SPTBN2: variants seen among roughly 807,000 people sequenced by gnomAD.
SPTBN2 encodes the protein spectrin beta chain, non-erythrocytic 2.
A neutral mutation model predicts 284.2 loss-of-function variants in SPTBN2; 107 were observed. That is an observed-to-expected ratio of 0.38 (90% CI 0.32 to 0.44). The LOEUF (loss-of-function observed/expected upper bound fraction) is 0.44, where lower values mean the gene tolerates loss of function less well. Among genes scored for constraint, SPTBN2 ranks in the 20% least tolerant of loss-of-function variants. The probability of loss-of-function intolerance (pLI) is 1.00; values close to 1 mark genes in which losing one functional copy is unlikely to be tolerated. For synonymous variants in SPTBN2, 1,289 were observed against 1,354.8 expected (o/e 0.95, Z 1.07); for missense variants, 2,569 against 3,287.1 (o/e 0.78, Z 5.34).
intron 7 of SPTBN2, 67 bp from the exon 8 acceptor site, chr11:66,713,813 A>G: frequency 7.5e-7 from 1 of 1,330,416 alleles, no homozygotes; most frequent in Non-Finnish European, 1.1e-6. Context: ...GAGGAAACCC[A>G]CACCAATCTT....
intron 29 of SPTBN2, among the ~76,000 whole-genome samples, chr11:66,689,523 C>T (rs570439776): frequency 2.6e-5 from 4 of 151,770 alleles, no homozygotes; most frequent in African/African-American, 7.2e-5. Context: ...AGGCTGGTCT[C>T]GAACTCGTGA....
chr11:66,692,522 C>T lies in SPTBN2; in HGVS notation c.5190+14G>A, dbSNP rs928112661. 7 of 1,600,246 alleles carry T rather than the reference C, an allele frequency of 4.4e-6. No homozygotes were observed. The highest frequency in any genetic ancestry group is 1.7e-5 in the Admixed American group (1 of 60,002). On this transcript the variant is annotated intron_variant, in intron 26 of 37. Transcript: ENST00000533211. The stretch of plus-strand genomic sequence containing the variant: ...CCACGGTTGATCTGAGCTGGGTGCC[C>T]TCCCTACACTCACAGTCACATGCTC...
At chr11:66,716,345 T>C (rs1003616596) in intron 3 of SPTBN2, among the ~76,000 whole-genome samples, 4 of 151,588 alleles carry the variant, frequency 2.6e-5, no homozygotes, top group Non-Finnish European at 5.9e-5. Flanking sequence ...TAGCCGGGCA[T>C]AGTGGCGGGC....
Position 66,684,347 on chromosome 11 carries a change from T to C in SPTBN2, c.*1524A>G, listed in dbSNP as rs1166299834. Among the ~76,000 whole-genome samples, 1 of 152,070 alleles carries C rather than the reference T, an allele frequency of 6.6e-6. No individual in the cohort carries two copies. Among genetic ancestry groups the C allele is most frequent in the African/African-American group, 2.4e-5 (1 of 41,396 alleles). ...CTAATACTTCATCAGATCCAGAAGG[T>C]AGTCTCAGCTGGGCATGGTGGCTCA... On this transcript the variant is annotated 3_prime_UTR_variant, in exon 38 of 38. Coordinates refer to ENST00000533211, the MANE Select transcript of SPTBN2 (RefSeq NM_006946.4).
At position 66,715,113 on chromosome 11, in the gene SPTBN2, G is replaced by T; in HGVS notation, c.483+109C>A. Reference sequence around the variant, plus strand: ...GCCGCCATGGCAGCTGCTACATAAGGTTCTAGATCCTCCATCTTTGTGTTT... The same window carrying T: ...GCCGCCATGGCAGCTGCTACATAAGTTTCTAGATCCTCCATCTTTGTGTTT... On this transcript the variant is annotated intron_variant, in intron 5 of 37. Transcript: ENST00000533211. The surrounding 1 kb of genome is among the most constrained non-coding windows in gnomAD (Gnocchi z 5.3). 7.0e-7 allele frequency: 1 copy of T among 1,425,144 alleles called. No homozygotes were observed. The highest frequency in any genetic ancestry group is 9.8e-7 in the Non-Finnish European group (1 of 1,020,558). 88.3% of individuals were successfully genotyped at this position (1,425,144 alleles called of 1,614,324 possible).
At position 66,690,232 on chromosome 11, in the gene SPTBN2, C is replaced by G; in HGVS notation, c.5617G>C (p.Asp1873His). Residue 1873 changes from aspartate (D) to histidine (H), a missense_variant, in exon 28 of 38, where the codon GAC becomes CAC. Asp to His is a moderately conservative substitution (Grantham distance 81, BLOSUM62 -1). Coordinates refer to ENST00000533211, the MANE Select transcript of SPTBN2 (RefSeq NM_006946.4). ...TGGCGGCCGATCTCCTCAGCCTTGT[C>G]TCCAGCGTAGGCCTTCTGGAGCCGG... ...GHRLQKAYAGDKAEEIGRHMQ... is the reference protein window; with the variant it reads ...GHRLQKAYAGHKAEEIGRHMQ... The G allele has an allele frequency of 1.2e-6, 2 of 1,613,404 alleles. No homozygotes were observed. Among genetic ancestry groups the G allele is most frequent in the Non-Finnish European group, 1.7e-6 (2 of 1,179,740 alleles).
In SPTBN2 at chr11:66,686,939, C is replaced by T. The variant is rs1221725033; in HGVS notation, c.6896+55G>A. The T allele has an allele frequency of 1.3e-5, 21 of 1,609,726 alleles. No individual in the cohort carries two copies. The East Asian group carries it at 4.7e-4, about 36-fold the overall frequency. ...CCCTCTGGACCTGACTCATGGCTCACCTGTGTCACTCCCAACTCTCCTCCC... is the reference window on the plus strand; with the variant it reads ...CCCTCTGGACCTGACTCATGGCTCATCTGTGTCACTCCCAACTCTCCTCCC... On this transcript the variant is annotated intron_variant, in intron 36 of 37. Coordinates refer to ENST00000533211, the MANE Select transcript of SPTBN2 (RefSeq NM_006946.4).
chr11:66,714,480 A>C (rs940656456), intron 5 of SPTBN2, 73 bp from the exon 6 acceptor site: 2 of 1,323,360 alleles, frequency 1.5e-6, no homozygotes, highest in Non-Finnish European at 2.2e-6. Context: ...GCTCAGATAA[A>C]TGGCAGGAAA....
intron 3 of SPTBN2, among the ~76,000 whole-genome samples, chr11:66,720,267 T>TTGGGC (rs1045296895): frequency 6.6e-6 from 1 of 151,990 alleles, no homozygotes; most frequent in Non-Finnish European, 1.5e-5. Flanking sequence ...CTGGGTTGGG[T>TTGGGC]TGGGCTGGGC....
chr11:66,710,645 A>C lies in SPTBN2; in HGVS notation c.1010T>G (p.Leu337Arg). 6.2e-7 allele frequency: 1 copy of C among 1,614,162 alleles called. No homozygotes were observed. Among genetic ancestry groups the C allele is most frequent in the South Asian group, 1.1e-5 (1 of 91,078 alleles). The part of the protein sequence containing the change: ...TLNDRQLANS[L>R]SGVQNQLQSF... ...CTGCAGCTGGTTCTGGACCCCGCTA[A>C]GGGAGTTGGCCAACTGCCGGTCATT... Residue 337 changes from leucine to arginine, a missense_variant, in exon 10 of 38, where the codon CTT (leucine) becomes CGT (arginine). Leu to Arg is a moderately radical substitution (Grantham distance 102). Transcript: ENST00000533211. The surrounding 1 kb of genome is among the most constrained non-coding windows in gnomAD (Gnocchi z 4.9).
chr11:66,709,306 T>C (rs779128064), intron 10 of SPTBN2, among the ~76,000 whole-genome samples: 35 of 152,126 alleles, frequency 2.3e-4, no homozygotes, highest in Admixed American at 2.0e-3. Context: ...GCCTCCCGAG[T>C]AGCTGGGATT....
chr11:66,704,950 C>G lies in SPTBN2; in HGVS notation c.2326G>C (p.Gly776Arg), dbSNP rs780761281. The G allele has an allele frequency of 1.2e-6, 2 of 1,610,348 alleles. No individual in the cohort carries two copies. The highest frequency in any genetic ancestry group is 1.7e-6 in the Non-Finnish European group (2 of 1,179,900). ...ALRLVSSPEL[G>R]HDEFSTQALA... is the part of the protein sequence containing the mutation. ...GCCTGCGTGGAGAACTCGTCGTGCC[C>G]CAGCTCGGGGCTGGACACCAGGCGC... Residue 776 changes from glycine to arginine, a missense_variant, in exon 15 of 38, where the codon GGG becomes CGG. Gly to Arg is a moderately radical substitution (Grantham distance 125). Transcript: ENST00000533211.
At chr11:66,711,114 G>T in intron 8 of SPTBN2, 85 bp from the exon 9 acceptor site, 2 of 1,082,808 alleles carry the variant, frequency 1.8e-6, no homozygotes, top group Non-Finnish European at 2.8e-6. Context: ...GGCCTGCCCA[G>T]TCCTCCAAGG....
intron 1 of SPTBN2, among the ~76,000 whole-genome samples, chr11:66,737,023 A>G (rs1401019301): frequency 6.6e-6 from 1 of 152,244 alleles, no homozygotes; most frequent in Non-Finnish European, 1.5e-5. Flanking sequence ...AATCAGGGAT[A>G]ATTTTACAGA....
At chr11:66,714,293 C>A (rs1171997481) in intron 6 of SPTBN2, 23 bp downstream of exon 6, 1 of 1,612,702 alleles carries the variant, frequency 6.2e-7, no homozygotes, top group South Asian at 1.1e-5. Context: ...CCCTCCAGTG[C>A]CACACGCCCA....
intron 1 of SPTBN2, among the ~76,000 whole-genome samples, chr11:66,737,978 G>A (rs1022769509): frequency 4.6e-5 from 7 of 152,142 alleles, no homozygotes; most frequent in African/African-American, 1.7e-4. Context: ...ACTTTGGGAG[G>A]CCGAGGCAGG....
In SPTBN2 at chr11:66,704,635, G is replaced by T; in HGVS notation, c.2641C>A (p.Pro881Thr). 1 of 1,612,258 alleles carries T rather than the reference G, an allele frequency of 6.2e-7. No individual in the cohort carries two copies. Among genetic ancestry groups the T allele is most frequent in the Non-Finnish European group, 8.5e-7 (1 of 1,179,696 alleles). ...KEQWLNGLALPERLEDLEVVQ... is the reference protein window; with the variant it reads ...KEQWLNGLALTERLEDLEVVQ... Reference sequence around the variant, plus strand: ...ACCTCCAGGTCCTCCAGGCGTTCAGGCAGGGCCAGCCCGTTGAGCCACTGC... The same window carrying T: ...ACCTCCAGGTCCTCCAGGCGTTCAGTCAGGGCCAGCCCGTTGAGCCACTGC... Residue 881 changes from proline to threonine, a missense_variant, in exon 15 of 38, where the codon CCT (proline) becomes ACT (threonine). Pro to Thr is a conservative substitution (Grantham distance 38, BLOSUM62 -1). Coordinates refer to ENST00000533211, the MANE Select transcript of SPTBN2 (RefSeq NM_006946.4).
At chr11:66,689,052 G>GC (rs1554976919) in intron 30 of SPTBN2, 44 bp downstream of exon 30, 5 of 1,568,714 alleles carry the variant, frequency 3.2e-6, no homozygotes, top group Non-Finnish European at 4.3e-6. Flanking sequence ...GGTGCAGGAT[G>GC]CCCCCCACTC....
chr11:66,686,212 T>G, intron 37 of SPTBN2, 108 bp from the exon 38 acceptor site: 1 of 1,402,506 alleles, frequency 7.1e-7, no homozygotes, highest in Non-Finnish European at 1.0e-6. Flanking sequence ...GCTGACTGTT[T>G]CATGCTATTA....
Sources: allele counts gnomAD v4.1 joint callset (sites outside exome capture counted in the v4.1 genomes callset), GRCh38; gene constraint gnomAD v4.1.1; non-coding constraint Gnocchi (gnomAD v3.1); transcripts MANE v1.5; gene names NCBI Gene and HGNC (gene_info 2026-07-23, HGNC 2026-07-21).